Variants in DNAH14 observed in about 807,000 individuals in gnomAD.
DNAH14 encodes the protein axonemal beta dynein heavy chain 14.
DNAH14 carries 478 observed loss-of-function variants against 520.9 expected under a neutral mutation model. The ratio of observed to expected loss-of-function variants is 0.92; its 90% CI spans 0.85 to 0.99. The LOEUF (loss-of-function observed/expected upper bound fraction) is 0.99, where lower values mean the gene tolerates loss of function less well. Ranked by LOEUF, DNAH14 falls within the 50% of genes least tolerant of loss-of-function variation. The probability of loss-of-function intolerance (pLI) is 0.00; values close to 1 mark genes in which losing one functional copy is unlikely to be tolerated. For missense variants in DNAH14, 4,831 were observed against 5,234.5 expected (o/e 0.92, Z 2.38); for synonymous variants, 1,581 against 1,757.2 (o/e 0.90, Z 2.51).
At position 225,197,256 on chromosome 1, in the gene DNAH14, T is replaced by G. The variant is rs1354631481; in HGVS notation, c.5886+4345T>G. Among the ~76,000 whole-genome samples the G allele has an allele frequency of 2.6e-5, 4 of 152,198 alleles. No individual in the cohort carries two copies. The South Asian group carries it at 8.3e-4, about 31-fold the overall frequency. On this transcript the variant is annotated intron_variant, in intron 38 of 85. Transcript: ENST00000682510. The stretch of plus-strand genomic sequence containing the variant: ...GAGGATCCAGTTTCATTCTCCTATA[T>G]GTGGCTTGCCAATTATCCCAGCACC...
At chr1:225,205,085 T>A (rs1463163717) in intron 39 of DNAH14, among the ~76,000 whole-genome samples, 2 of 152,192 alleles carry the variant, frequency 1.3e-5, no homozygotes, top group Admixed American at 6.5e-5. Flanking sequence ...TAGTGACCTA[T>A]TCATACCTCC....
chr1:225,277,118 A>T (rs893206243), intron 53 of DNAH14, among the ~76,000 whole-genome samples: 11 of 12,066 alleles, frequency 9.1e-4, no homozygotes, highest in Non-Finnish European at 1.6e-3. Context: ...GGAGGGGGGG[A>T]GGGGGACGGG....
intron 31 of DNAH14, among the ~76,000 whole-genome samples, chr1:225,150,433 C>A (rs777677653): frequency 6.6e-6 from 1 of 152,116 alleles, no homozygotes; most frequent in Non-Finnish European, 1.5e-5. Flanking sequence ...AGGAGTCTCT[C>A]CTCCTCAATT....
In DNAH14 at chr1:225,007,400, A is replaced by G. The variant is rs1222065034; in HGVS notation, c.976-13A>G. On this transcript the variant is annotated splice_polypyrimidine_tract_variant and intron_variant, in intron 9 of 85. Transcript: ENST00000682510. ...GACTTTCTAACACTGAACATTTACT[A>G]TCATCTAATTAGCTGGATAGTTCTC... The G allele has an allele frequency of 1.7e-5, 25 of 1,502,866 alleles. No individual in the cohort carries two copies. Among genetic ancestry groups the G allele is most frequent in the African/African-American group, 4.2e-5 (3 of 71,310 alleles). 93.1% of individuals were successfully genotyped at this position (1,502,866 alleles called of 1,614,324 possible).
chr1:225,252,303 A>C lies in DNAH14; in HGVS notation c.6751A>C (p.Ile2251Leu), dbSNP rs1273436699. Reference protein sequence around the residue: ...ELFGNSSQVGINLPTGECSIF... With the variant: ...ELFGNSSQVGLNLPTGECSIF... ...GAATTTATTATTTTCGGTTGTAGGC[A>C]TCAACCTACCAACTGGTGAATGTTC... Residue 2251 changes from isoleucine to leucine, a missense_variant and splice_region_variant, in exon 44 of 86, where the codon ATC becomes CTC. Physicochemically the swap from Ile to Leu is conservative, Grantham distance 5. Transcript: ENST00000682510. 1 of 1,533,592 alleles carries C rather than the reference A, an allele frequency of 6.5e-7. No individual in the cohort carries two copies. The highest frequency in any genetic ancestry group is 1.2e-5 in the South Asian group (1 of 83,528). The allele number at this position is 1,533,592 out of a possible 1,614,324, so 95.0% of individuals were successfully genotyped here. A position where few individuals can be genotyped will look rare whatever the true frequency, so the allele number is the denominator to read the frequency against.
At chr1:224,970,945 C>T (rs1423837109) in intron 7 of DNAH14, among the ~76,000 whole-genome samples, 1 of 152,050 alleles carries the variant, frequency 6.6e-6, no homozygotes, top group Non-Finnish European at 1.5e-5. Flanking sequence ...AACAATTATC[C>T]TGCACTCAAA....
chr1:224,962,928 C>T (rs569136311), intron 4 of DNAH14, among the ~76,000 whole-genome samples: 1 of 152,058 alleles, frequency 6.6e-6, no homozygotes, highest in African/African-American at 2.4e-5. Flanking sequence ...GATACTTTCA[C>T]GATATTACAC....
chr1:225,251,688 G>C (rs888736064), intron 43 of DNAH14, among the ~76,000 whole-genome samples: 1 of 151,912 alleles, frequency 6.6e-6, no homozygotes, highest in African/African-American at 2.4e-5. Flanking sequence ...ATCAAACAAA[G>C]ATATATCCAG....
intron 9 of DNAH14, 44 bp from the exon 10 acceptor site, chr1:225,007,368 GA>G (rs1450086585): frequency 7.2e-7 from 1 of 1,395,746 alleles, no homozygotes; most frequent in African/African-American, 1.5e-5. Flanking sequence ...TTTTAAATAT[GA>G]ATTTTGACTT....
At chr1:225,060,290 T>C (rs1189576662) in intron 17 of DNAH14, among the ~76,000 whole-genome samples, 3 of 152,214 alleles carry the variant, frequency 2.0e-5, no homozygotes, top group African/African-American at 7.2e-5. Context: ...ATACCCTTTC[T>C]TCCAGTTGAT....
At position 225,257,962 on chromosome 1, in the gene DNAH14, A is replaced by G. The variant is rs995688497; in HGVS notation, c.6868A>G (p.Thr2290Ala). The change falls in exon 45 of 86, where the codon ACT becomes GCT. Residue 2290 changes from threonine to alanine, a missense_variant and splice_region_variant. Coordinates refer to ENST00000682510, the MANE Select transcript of DNAH14 (RefSeq NM_001367479.1). Reference sequence around the variant, plus strand: ...CTTTTTTTAAAATGTTAACTTAGGAACTTCATTACTAACTAATCTTCAAAG... The same window carrying G: ...CTTTTTTTAAAATGTTAACTTAGGAGCTTCATTACTAACTAATCTTCAAAG... ...PNDQTLIQRG[T>A]SLLTNLQRSG... 6.5e-7 allele frequency: 1 copy of G among 1,546,092 alleles called. No individual in the cohort carries two copies. Among genetic ancestry groups the G allele is most frequent in the Non-Finnish European group, 8.7e-7 (1 of 1,145,018 alleles).
intron 49 of DNAH14, among the ~76,000 whole-genome samples, chr1:225,269,000 A>T (rs1290701000): frequency 6.6e-6 from 1 of 152,196 alleles, no homozygotes; most frequent in Non-Finnish European, 1.5e-5. Flanking sequence ...TATGGAACCA[A>T]AAAAGAGCCT....
intron 41 of DNAH14, among the ~76,000 whole-genome samples, chr1:225,216,009 G>A (rs2089259285): frequency 6.6e-6 from 1 of 152,184 alleles, no homozygotes; most frequent in Non-Finnish European, 1.5e-5. Flanking sequence ...ATTACAATTT[G>A]GCATGTTTTT....
chr1:225,298,060 A>G (rs781055382), intron 55 of DNAH14, among the ~76,000 whole-genome samples: 9 of 152,146 alleles, frequency 5.9e-5, no homozygotes, highest in Non-Finnish European at 1.3e-4. Context: ...CCATAAGGCT[A>G]TTTCTCAAGC....
At chr1:225,186,646 C>A (rs999552030) in intron 37 of DNAH14, among the ~76,000 whole-genome samples, 2 of 151,534 alleles carry the variant, frequency 1.3e-5, no homozygotes, top group African/African-American at 2.4e-5. Context: ...TTATTCTACA[C>A]TAAATATATT....
intron 64 of DNAH14, among the ~76,000 whole-genome samples, chr1:225,325,840 A>G (rs1424055934): frequency 1.3e-5 from 2 of 152,154 alleles, no homozygotes; most frequent in Non-Finnish European, 2.9e-5. Context: ...AAACTCAGAT[A>G]GCTGGCAACT....
chr1:225,193,051 A>G (rs1278672883), intron 38 of DNAH14, 140 bp downstream of exon 38: 1 of 675,392 alleles, frequency 1.5e-6, no homozygotes, highest in African/African-American at 1.8e-5. Context: ...AGTTTTTAAA[A>G]AGAGAAAAAT....
chr1:225,246,584 T>C (rs2092295214), intron 43 of DNAH14, among the ~76,000 whole-genome samples: 1 of 152,104 alleles, frequency 6.6e-6, no homozygotes, highest in African/African-American at 2.4e-5. Flanking sequence ...GAACAGACAC[T>C]TCTCAAAAGA....
In DNAH14 at chr1:225,271,948, G is replaced by C; in HGVS notation, c.7714G>C (p.Glu2572Gln). 1 of 1,550,006 alleles carries C rather than the reference G, an allele frequency of 6.5e-7. No individual in the cohort carries two copies. Among genetic ancestry groups the C allele is most frequent in the South Asian group, 1.2e-5 (1 of 83,794 alleles). ...IYFSINNFTP[E>Q]VQKSKDQIIS... Reference sequence around the variant, plus strand: ...TTTCTCCATCAATAACTTCACACCTGAAGTTCAGAAAAGTAAGGATCAGAT... The same window carrying C: ...TTTCTCCATCAATAACTTCACACCTCAAGTTCAGAAAAGTAAGGATCAGAT... The change falls in exon 51 of 86, where the codon GAA (glutamate) becomes CAA (glutamine). Residue 2572 changes from glutamate (E) to glutamine (Q), a missense_variant. Transcript: ENST00000682510.
Sources: allele counts gnomAD v4.1 joint callset (sites outside exome capture counted in the v4.1 genomes callset), GRCh38; gene constraint gnomAD v4.1.1; transcripts MANE v1.5; gene names NCBI Gene and HGNC (gene_info 2026-07-23, HGNC 2026-07-21).